The following SPOCK3 variants were observed in gnomAD, a reference collection of about 807,000 sequenced individuals.
SPOCK3 encodes SPARC (osteonectin), cwcv and kazal like domains proteoglycan 3, also known as testican-3.
In SPOCK3, 30 loss-of-function variants were observed where a neutral mutation model predicts 56.6. The observed-to-expected ratio is 0.53, with a 90% CI of 0.40 to 0.72. SPOCK3 has a LOEUF of 0.72. Ranked by LOEUF, SPOCK3 falls within the 30% of genes least tolerant of loss-of-function variation. SPOCK3 has a pLI of 0.00. For synonymous variants in SPOCK3, 196 were observed against 183.3 expected (o/e 1.07, Z -0.56); for missense variants, 527 against 530.0 (o/e 0.99, Z 0.06).
At chr4:166,974,582 T>G (rs1434206930) in intron 4 of SPOCK3, among the ~76,000 whole-genome samples, 1 of 152,144 alleles carries the variant, frequency 6.6e-6, no homozygotes. Context: ...TTTCTGTCTC[T>G]TTCTCTATAT....
intron 6 of SPOCK3, among the ~76,000 whole-genome samples, chr4:166,864,263 C>T (rs1324220205): frequency 6.6e-6 from 1 of 152,120 alleles, no homozygotes; most frequent in African/African-American, 2.4e-5. Context: ...ACCAGAATCT[C>T]TAGGACACAG....
chr4:167,064,760 G>A (rs1755940140), intron 2 of SPOCK3, among the ~76,000 whole-genome samples: 1 of 151,762 alleles, frequency 6.6e-6, no homozygotes, highest in Admixed American at 6.6e-5. Context: ...TATCCTCAGA[G>A]TCCTGTGATG....
At chr4:167,210,018 T>C (rs546031956) in intron 2 of SPOCK3, among the ~76,000 whole-genome samples, 2 of 152,112 alleles carry the variant, frequency 1.3e-5, no homozygotes, top group Non-Finnish European at 1.5e-5. Flanking sequence ...TCAAAATCTG[T>C]CAAGGAGGCA....
intron 7 of SPOCK3, among the ~76,000 whole-genome samples, chr4:166,785,185 T>C (rs2126631516): frequency 6.6e-6 from 1 of 152,272 alleles, no homozygotes; most frequent in East Asian, 1.9e-4. Flanking sequence ...TTAAGATTTT[T>C]ACCATCTTAG....
chr4:167,222,658 T>C (rs1328036115), intron 2 of SPOCK3, among the ~76,000 whole-genome samples: 4 of 137,788 alleles, frequency 2.9e-5, no homozygotes, highest in African/African-American at 1.1e-4. Context: ...CATATATAAA[T>C]ATATAAACAT....
chr4:166,764,428 A>C (rs1184684415), intron 7 of SPOCK3, among the ~76,000 whole-genome samples: 1 of 152,026 alleles, frequency 6.6e-6, no homozygotes, highest in East Asian at 1.9e-4. Context: ...CCTATGAGTG[A>C]GAACATGCGG....
chr4:166,991,911 T>C (rs995491685), intron 4 of SPOCK3, among the ~76,000 whole-genome samples: 1 of 152,118 alleles, frequency 6.6e-6, no homozygotes, highest in Non-Finnish European at 1.5e-5. Context: ...CACACACGTG[T>C]ATATAAAGAT....
At chr4:167,168,196 T>C (rs1037247964) in intron 2 of SPOCK3, among the ~76,000 whole-genome samples, 1 of 152,154 alleles carries the variant, frequency 6.6e-6, no homozygotes, top group Non-Finnish European at 1.5e-5. Flanking sequence ...AAGAACTTAA[T>C]ACAGTAAATT....
chr4:167,063,591 T>C (rs1755814275), intron 2 of SPOCK3, among the ~76,000 whole-genome samples: 1 of 151,934 alleles, frequency 6.6e-6, no homozygotes. Context: ...TATCACATAG[T>C]GGTGAAGTCT....
intron 6 of SPOCK3, among the ~76,000 whole-genome samples, chr4:166,823,582 T>G (rs1290697921): frequency 2.0e-5 from 3 of 152,086 alleles, no homozygotes; most frequent in African/African-American, 7.2e-5. Context: ...CAGGGAACAC[T>G]GGCAGCAGCA....
chr4:166,950,567 G>A (rs1442997707), intron 4 of SPOCK3, among the ~76,000 whole-genome samples: 4 of 151,806 alleles, frequency 2.6e-5, no homozygotes, highest in African/African-American at 9.7e-5. Context: ...ATTGAACTCA[G>A]CTCTGCACCA....
chr4:167,140,010 T>C (rs1274187513), intron 2 of SPOCK3, among the ~76,000 whole-genome samples: 1 of 151,830 alleles, frequency 6.6e-6, no homozygotes, highest in East Asian at 1.9e-4. Flanking sequence ...CTGAACGAGT[T>C]TGCCAATATG....
chr4:166,812,898 A>G (rs1743984925), intron 6 of SPOCK3, among the ~76,000 whole-genome samples: 1 of 152,006 alleles, frequency 6.6e-6, no homozygotes, highest in Non-Finnish European at 1.5e-5. Context: ...CATCAAAGGT[A>G]TGGCTTTTGG....
At chr4:167,186,857 G>A (rs149489625) in intron 2 of SPOCK3, among the ~76,000 whole-genome samples, 1 of 149,394 alleles carries the variant, frequency 6.7e-6, no homozygotes, top group Non-Finnish European at 1.5e-5. Flanking sequence ...CATGCCTGCA[G>A]TCCTACCTGC....
intron 6 of SPOCK3, among the ~76,000 whole-genome samples, chr4:166,852,691 G>T (rs1199132205): frequency 6.6e-6 from 1 of 152,122 alleles, no homozygotes; most frequent in Non-Finnish European, 1.5e-5. Context: ...TGTCAGTATG[G>T]CACCCTGCAT....
rs544540232 is a variant in SPOCK3, at chr4:166,744,568, C to T, written c.932-2509G>A. ...AAGCTGAAAATTCTAAAAACCAGAG[C>T]GCCTATTCTCCTCCAAAGGAACGCA... is the stretch of plus-strand genomic sequence containing the variant. On this transcript the variant is annotated intron_variant, in intron 8 of 10. Coordinates refer to ENST00000357545, the MANE Select transcript of SPOCK3 (RefSeq NM_001040159.2). Among the ~76,000 whole-genome samples, 24 of 152,166 alleles carry T rather than the reference C, an allele frequency of 1.6e-4. 1 individual carries two copies. Among genetic ancestry groups the T allele is most frequent in the Admixed American group, 1.0e-3 (16 of 15,290 alleles).
chr4:166,992,309 G>A (rs753226728), intron 4 of SPOCK3, among the ~76,000 whole-genome samples: 3 of 151,962 alleles, frequency 2.0e-5, no homozygotes, highest in East Asian at 1.9e-4. Flanking sequence ...TTTCATAAGC[G>A]TTAAATTTTA....
At chr4:167,154,384 G>T (rs1172642756) in intron 2 of SPOCK3, among the ~76,000 whole-genome samples, 1 of 152,002 alleles carries the variant, frequency 6.6e-6, no homozygotes, top group Non-Finnish European at 1.5e-5. Context: ...AGAGGCCCCA[G>T]CGCAAAGCAT....
At chr4:166,745,524 C>T (rs1356633429) in intron 8 of SPOCK3, among the ~76,000 whole-genome samples, 3 of 152,224 alleles carry the variant, frequency 2.0e-5, no homozygotes, top group Non-Finnish European at 4.4e-5. Flanking sequence ...GTAACAGCCA[C>T]TGCAAAAACA....
Sources: allele counts gnomAD v4.1 joint callset (sites outside exome capture counted in the v4.1 genomes callset), GRCh38; gene constraint gnomAD v4.1.1; transcripts MANE v1.5; gene names NCBI Gene and HGNC (gene_info 2026-07-23, HGNC 2026-07-21).